MYO18B: variants seen among roughly 807,000 people sequenced by gnomAD.
The protein encoded by MYO18B is myosin XVIIIB.
Under a neutral mutation model 273.0 loss-of-function variants are expected in MYO18B, and 204 were observed. The observed-to-expected ratio is 0.75, with a 90% CI of 0.67 to 0.84. The LOEUF is 0.84. Ranked by LOEUF, MYO18B falls within the 40% of genes least tolerant of loss-of-function variation. The pLI, the probability that MYO18B is intolerant of heterozygous loss-of-function variation, is 0.00. For synonymous variants in MYO18B, 1,330 were observed against 1,305.7 expected, an observed-to-expected ratio of 1.02 and a Z score of -0.40; for missense variants, 3,212 against 3,287.6, an observed-to-expected ratio of 0.98 and a Z score of 0.56.
At chr22:25,858,058 C>CT (rs2090625533) in intron 21 of MYO18B, among the ~76,000 whole-genome samples, 1 of 152,172 alleles carries the variant, frequency 6.6e-6, no homozygotes, top group Admixed American at 6.5e-5. Context: ...TAGTTTCTGC[C>CT]TTTTTCCAGG....
intron 11 of MYO18B, among the ~76,000 whole-genome samples, chr22:25,796,054 C>T (rs1222910140): frequency 6.6e-6 from 1 of 152,166 alleles, no homozygotes; most frequent in Non-Finnish European, 1.5e-5. Context: ...AGGCCAAGTG[C>T]AAATCAGTTT....
Position 25,952,402 on chromosome 22 carries a change from G to A in MYO18B, c.5949G>A (p.Lys1983=), listed in dbSNP as rs745954109. 1.2e-5 allele frequency: 20 copies of A among 1,613,088 alleles called. No individual in the cohort carries two copies. The highest frequency in any genetic ancestry group is 1.6e-5 in the Non-Finnish European group (19 of 1,179,718). Residue 1983 remains lysine, a synonymous_variant, in exon 38 of 44, where the codon AAG becomes AAA. Coordinates refer to ENST00000335473, the MANE Select transcript of MYO18B (RefSeq NM_032608.7). ...CDLENKTEFQ[K]VQIKRFEVLV... ...TAGAGAACAAGACAGAGTTCCAGAA[G>A]GTGCAGATTAAGAGATTTGAGGTAC...
chr22:25,960,029 G>C (rs1005730395), intron 39 of MYO18B, among the ~76,000 whole-genome samples: 1 of 152,078 alleles, frequency 6.6e-6, no homozygotes, highest in Non-Finnish European at 1.5e-5. Flanking sequence ...TGTTGGTGTT[G>C]GTTTAAAGAA....
chr22:25,875,776 A>G (rs904038940), intron 23 of MYO18B, among the ~76,000 whole-genome samples: 1 of 152,192 alleles, frequency 6.6e-6, no homozygotes, highest in Non-Finnish European at 1.5e-5. Flanking sequence ...ATAAGCTAAT[A>G]ACATAATCGT....
At chr22:25,902,817 G>T in intron 30 of MYO18B, 81 bp downstream of exon 30, 1 of 1,464,088 alleles carries the variant, frequency 6.8e-7, no homozygotes, top group Non-Finnish European at 9.2e-7. Flanking sequence ...TGCTGCAAAT[G>T]GTGACAGAGA....
chr22:25,885,202 C>T (rs947458800), intron 25 of MYO18B, among the ~76,000 whole-genome samples: 4 of 152,148 alleles, frequency 2.6e-5, no homozygotes, highest in Non-Finnish European at 4.4e-5. Context: ...CTAATTTTAC[C>T]TTTAACTGAA....
chr22:25,846,227 A>G lies in MYO18B; in HGVS notation c.3496A>G (p.Ser1166Gly), dbSNP rs761950074. Residue 1166 changes from serine (S) to glycine (G), a missense_variant, in exon 19 of 44, where the codon AGC (serine) becomes GGC (glycine). By Grantham distance (56) the Ser-to-Gly change is moderately conservative (BLOSUM62 0). Transcript: ENST00000335473. The stretch of plus-strand genomic sequence containing the variant: ...CCGCATGGTGAGGAGGACCTTTGCC[A>G]GCAGCCTTGCCGCGGTGAGGAGGAA... ...RSRMVRRTFA[S>G]SLAAVRRKAP... 3.1e-6 allele frequency: 5 copies of G among 1,612,366 alleles called. No individual in the cohort carries two copies. The highest frequency in any genetic ancestry group is 4.5e-5 in the East Asian group (2 of 44,888).
Position 26,002,910 on chromosome 22 carries a change from A to G in MYO18B, c.6288-355A>G, listed in dbSNP as rs116545351. On this transcript the variant is annotated intron_variant, in intron 40 of 43. Coordinates refer to ENST00000335473, the MANE Select transcript of MYO18B (RefSeq NM_032608.7). ...CACTCACAAAGAACATACAGCTAAT[A>G]CCTTGCTTGTTAGCAATAACAATGC... 3.7e-3 allele frequency among the ~76,000 whole-genome samples: 559 copies of G among 152,306 alleles called. 1 individual carries two copies. The highest frequency in any genetic ancestry group is 0.013 in the African/African-American group (533 of 41,554).
At chr22:25,832,198 G>A (rs1333658674) in intron 15 of MYO18B, among the ~76,000 whole-genome samples, 16 of 152,086 alleles carry the variant, frequency 1.1e-4, no homozygotes, top group Admixed American at 1.0e-3. Flanking sequence ...CAGAATGGTG[G>A]ACCTCAAAAC....
chr22:25,955,484 T>C (rs765321912), intron 39 of MYO18B, 120 bp downstream of exon 39: 62 of 1,054,908 alleles, frequency 5.9e-5, no homozygotes, highest in Non-Finnish European at 7.8e-5. Flanking sequence ...CTCAGGGGTG[T>C]GCGGAAAGCC....
intron 34 of MYO18B, among the ~76,000 whole-genome samples, chr22:25,941,184 A>G (rs775051419): frequency 1.3e-5 from 2 of 152,236 alleles, no homozygotes; most frequent in African/African-American, 2.4e-5. Flanking sequence ...TTGAGGGTCT[A>G]TTGGGATCCA....
intron 40 of MYO18B, among the ~76,000 whole-genome samples, chr22:26,001,151 A>G (rs921297488): frequency 1.1e-4 from 16 of 152,108 alleles, no homozygotes; most frequent in African/African-American, 3.9e-4. Context: ...GTGTTGGGTC[A>G]TGCCTGCTGT....
At chr22:26,050,367 C>T in the MYO18B span, among the ~76,000 whole-genome samples, 1 of 152,194 alleles carries the variant, frequency 6.6e-6, no homozygotes, top group Non-Finnish European at 1.5e-5. Flanking sequence ...TTTCGATATA[C>T]AGACTGTAGA....
At position 25,768,251 on chromosome 22, in the gene MYO18B, C is replaced by A; in HGVS notation, c.335C>A (p.Ser112Tyr). The A allele has an allele frequency of 6.2e-7, 1 of 1,613,974 alleles. No individual in the cohort carries two copies. The highest frequency in any genetic ancestry group is 1.7e-5 in the Admixed American group (1 of 60,030). Residue 112 changes from serine to tyrosine, a missense_variant, in exon 4 of 44, where the codon TCC (serine) becomes TAC (tyrosine). Transcript: ENST00000335473. ...SDILGKESEG[S>Y]RSPDPEQMTS... ...ATTCTGGGCAAGGAGAGCGAGGGGT[C>A]CCGCAGCCCCGACCCTGAGCAGATG...
At chr22:25,989,229 C>T (rs1046635450) in intron 39 of MYO18B, among the ~76,000 whole-genome samples, 1 of 152,156 alleles carries the variant, frequency 6.6e-6, no homozygotes, top group African/African-American at 2.4e-5. Flanking sequence ...AACCCAAGAC[C>T]TGGATGCACA....
At position 25,792,434 on chromosome 22, in the gene MYO18B, A is replaced by G. The variant is rs75510556; in HGVS notation, c.2377-5519A>G. The stretch of plus-strand genomic sequence containing the variant: ...CTGACACCTGTCCTGCCCTCCCTGC[A>G]GTCTCCATGAGGTTCACTGGCCTGT... On this transcript the variant is annotated intron_variant, in intron 11 of 43. Coordinates refer to ENST00000335473, the MANE Select transcript of MYO18B (RefSeq NM_032608.7). Among the ~76,000 whole-genome samples, 801 of 148,840 alleles carry G rather than the reference A, an allele frequency of 5.4e-3. 10 individuals are homozygous for G. Among genetic ancestry groups the G allele is most frequent in the African/African-American group, 0.019 (775 of 40,240 alleles).
intron 24 of MYO18B, 81 bp from the exon 25 acceptor site, chr22:25,877,878 G>T: frequency 9.2e-7 from 1 of 1,089,740 alleles, no homozygotes; most frequent in Non-Finnish European, 1.3e-6. Context: ...CGGAAACTTT[G>T]TGCCGTTTGC....
chr22:25,772,465 G>A lies in MYO18B; in HGVS notation c.1824G>A (p.Leu608=), dbSNP rs1213272278. 3 of 1,613,906 alleles carry A rather than the reference G, an allele frequency of 1.9e-6. No individual in the cohort carries two copies. The highest frequency in any genetic ancestry group is 2.5e-6 in the Non-Finnish European group (3 of 1,179,912). The change falls in exon 7 of 44, where the codon CTG becomes CTA. Residue 608 remains leucine, a synonymous_variant. Transcript: ENST00000335473. ...QLLHTCTGPD[L]IVLQPRGPSV... is the part of the protein sequence containing the mutation. Reference sequence around the variant, plus strand: ...TGCACACCTGCACAGGGCCTGATCTGATTGTCCTCCAGCCCCGGGGGCCCT... The same window carrying A: ...TGCACACCTGCACAGGGCCTGATCTAATTGTCCTCCAGCCCCGGGGGCCCT...
At chr22:25,814,057 A>C (rs939937918) in intron 12 of MYO18B, among the ~76,000 whole-genome samples, 9 of 152,164 alleles carry the variant, frequency 5.9e-5, no homozygotes, top group African/African-American at 2.2e-4. Flanking sequence ...ATTTTTTAAA[A>C]ATACATGCTC....
Sources: gnomAD v4.1 joint callset for allele counts (sites outside exome capture counted in the v4.1 genomes callset) on GRCh38, gnomAD v4.1.1 for gene constraint, MANE v1.5 for transcripts, NCBI Gene and HGNC (gene_info 2026-07-23, HGNC 2026-07-21) for gene names.